Variants in RPRD1A observed in about 807,000 individuals in gnomAD.
The protein encoded by RPRD1A is regulation of nuclear pre-mRNA domain-containing protein 1A.
Under a neutral mutation model 37.8 loss-of-function variants are expected in RPRD1A, and 9 were observed. That is an observed-to-expected ratio of 0.24 (90% CI 0.14 to 0.42). The LOEUF (loss-of-function observed/expected upper bound fraction) is 0.42. RPRD1A is among the 10% of genes least tolerant of loss of function. The probability of loss-of-function intolerance (pLI) is 1.00; values close to 1 mark genes in which losing one functional copy is unlikely to be tolerated. For missense variants in RPRD1A, 255 were observed against 371.0 expected, an observed-to-expected ratio of 0.69 and a Z score of 2.57; for synonymous variants, 138 against 139.7, an observed-to-expected ratio of 0.99 and a Z score of 0.08.
At chr18:36,065,707 G>A (rs769227692) in intron 1 of RPRD1A, among the ~76,000 whole-genome samples, 2 of 152,168 alleles carry the variant, frequency 1.3e-5, no homozygotes, top group Admixed American at 6.5e-5. Context: ...AGTGGTATAA[G>A]AGTTCCTGTT....
At chr18:36,057,049 T>TAAAAAAAAAA (rs1407950222) in intron 1 of RPRD1A, among the ~76,000 whole-genome samples, 2 of 23,268 alleles carry the variant, frequency 8.6e-5, no homozygotes, top group African/African-American at 3.8e-4. Context: ...ACCCTGTTTC[T>TAAAAAAAAAA]ACAAAAAAAA....
At chr18:36,040,715 C>A in intron 1 of RPRD1A, 1 of 651,192 alleles carries the variant, frequency 1.5e-6, no homozygotes, top group Non-Finnish European at 2.5e-6. Context: ...CTATGCAGTA[C>A]CTCCTTACCC....
At chr18:36,025,663 C>A (rs773984108) in intron 6 of RPRD1A, 1 of 1,286,070 alleles carries the variant, frequency 7.8e-7, no homozygotes, top group South Asian at 1.2e-5. Flanking sequence ...TTAGAAGATA[C>A]GCCCATGTCC....
In RPRD1A at chr18:36,067,533, C is replaced by G; in HGVS notation, c.-129G>C. 1 of 924,640 alleles carries G rather than the reference C, an allele frequency of 1.1e-6. No individual in the cohort carries two copies. The highest frequency in any genetic ancestry group is 1.6e-6 in the Non-Finnish European group (1 of 643,920). 57.3% of individuals were successfully genotyped at this position (924,640 alleles called of 1,614,324 possible). ...GCTCTCACCACGGCCGCCGCTTCAT[C>G]CAAGACCGGCCGCAAACCAGCAAGA... On this transcript the variant is annotated 5_prime_UTR_variant, in exon 1 of 7. Transcript: ENST00000399022.
intron 6 of RPRD1A, among the ~76,000 whole-genome samples, chr18:36,010,341 AG>A (rs1327525352): frequency 6.6e-6 from 1 of 152,000 alleles, no homozygotes; most frequent in African/African-American, 2.4e-5. Flanking sequence ...AATAAAAAAA[AG>A]ATCAGTCAGG....
At chr18:36,024,049 C>T (rs1911189580) in intron 6 of RPRD1A, among the ~76,000 whole-genome samples, 1 of 152,192 alleles carries the variant, frequency 6.6e-6, no homozygotes, top group African/African-American at 2.4e-5. Flanking sequence ...ATACTTTCAA[C>T]TTCATAATGG....
chr18:36,007,499 T>G (rs1909819935), intron 6 of RPRD1A, among the ~76,000 whole-genome samples: 1 of 152,186 alleles, frequency 6.6e-6, no homozygotes, highest in Non-Finnish European at 1.5e-5. Context: ...ATGCAGGGAT[T>G]CAGAGAAGGA....
rs60551828 is a variant in RPRD1A at position 36,043,148 on chromosome 18, C to T, written c.152-9311G>A. 7.0e-3 allele frequency among the ~76,000 whole-genome samples: 865 copies of T among 123,446 alleles called. 11 individuals are homozygous for T. The highest frequency in any genetic ancestry group is 0.027 in the African/African-American group (819 of 30,876). 81.0% of individuals were successfully genotyped at this position (123,446 alleles called of 152,430 possible). ...CATAGTATTAAGTTACACACACACA[C>T]AAACACAGTAAACAATAACTATATC... On this transcript the variant is annotated intron_variant, in intron 1 of 6. Transcript: ENST00000399022.
intron 6 of RPRD1A, among the ~76,000 whole-genome samples, chr18:36,009,300 GC>G (rs923978517): frequency 5.9e-5 from 9 of 152,050 alleles, no homozygotes; most frequent in African/African-American, 1.9e-4. Context: ...AGAAGATACT[GC>G]CCTTTTCCCC....
At chr18:36,002,994 C>T (rs1310045692) in intron 6 of RPRD1A, among the ~76,000 whole-genome samples, 1 of 152,176 alleles carries the variant, frequency 6.6e-6, no homozygotes, top group African/African-American at 2.4e-5. Context: ...GGTCCTAGTT[C>T]TGCTCTCAGA....
intron 6 of RPRD1A, among the ~76,000 whole-genome samples, chr18:35,997,004 G>C (rs868324492): frequency 1.2e-5 from 1 of 83,392 alleles, no homozygotes; most frequent in Admixed American, 1.1e-4. Flanking sequence ...AAAAAAAAAA[G>C]AACTATCTGT....
intron 6 of RPRD1A, among the ~76,000 whole-genome samples, chr18:35,993,635 A>G (rs1044729022): frequency 1.3e-5 from 2 of 152,206 alleles, no homozygotes; most frequent in Non-Finnish European, 2.9e-5. Context: ...CTTAACTAAA[A>G]TTTGGCAAGA....
At chr18:36,000,972 G>C (rs1248395899) in intron 6 of RPRD1A, among the ~76,000 whole-genome samples, 1 of 152,176 alleles carries the variant, frequency 6.6e-6, no homozygotes, top group Non-Finnish European at 1.5e-5. Flanking sequence ...AACTAGTTAT[G>C]TTCCTAAAAC....
chr18:36,029,644 AG>A (rs1288574454), intron 4 of RPRD1A, among the ~76,000 whole-genome samples: 2 of 150,606 alleles, frequency 1.3e-5, no homozygotes, highest in African/African-American at 4.9e-5. Flanking sequence ...AAAAAAAAAA[AG>A]TCTTTCTGGA....
intron 1 of RPRD1A, among the ~76,000 whole-genome samples, chr18:36,050,868 C>CTTT (rs374429594): frequency 3.9e-5 from 5 of 128,042 alleles, no homozygotes; most frequent in Admixed American, 7.5e-5. Flanking sequence ...CTTTTCTTTT[C>CTTT]TTTTTTTTTT....
chr18:36,035,078 T>C (rs1217782673), intron 1 of RPRD1A, among the ~76,000 whole-genome samples: 1 of 152,198 alleles, frequency 6.6e-6, no homozygotes, highest in Admixed American at 6.5e-5. Flanking sequence ...TTCAGGCTCC[T>C]TGTCTGGTTA....
chr18:36,012,176 A>G (rs769303196), intron 6 of RPRD1A, among the ~76,000 whole-genome samples: 13 of 152,174 alleles, frequency 8.5e-5, no homozygotes, highest in Non-Finnish European at 7.4e-5. Context: ...AAAAATTCCT[A>G]TCACCTAGTG....
At position 36,067,492 on chromosome 18, in the gene RPRD1A, C is replaced by T; in HGVS notation, c.-88G>A. 7.6e-7 allele frequency: 1 copy of T among 1,309,256 alleles called. No homozygotes were observed. The highest frequency in any genetic ancestry group is 1.5e-5 in the African/African-American group (1 of 67,440). 81.1% of individuals were successfully genotyped at this position (1,309,256 alleles called of 1,614,324 possible). A position where few individuals can be genotyped will look rare whatever the true frequency, so the allele number is the denominator to read the frequency against. On this transcript the variant is annotated 5_prime_UTR_variant, in exon 1 of 7. The change creates a new upstream start codon in the 5' untranslated region. Transcript: ENST00000399022. ...CCCTAGCTGCGGCCTCGCCCCCTCA[C>T]CCCACCCTTCCCCACGCTCTCACCA... is the stretch of plus-strand genomic sequence containing the variant.
At chr18:36,067,150 A>G (rs1472319308) in intron 1 of RPRD1A, 104 bp downstream of exon 1, 1 of 1,309,036 alleles carries the variant, frequency 7.6e-7, no homozygotes, top group African/African-American at 1.5e-5. Context: ...GCGCGCTGGC[A>G]TCCCGACGCC....
Sources: gnomAD v4.1 joint callset for allele counts (sites outside exome capture counted in the v4.1 genomes callset) on GRCh38, gnomAD v4.1.1 for gene constraint, MANE v1.5 for transcripts, NCBI Gene and HGNC (gene_info 2026-07-23, HGNC 2026-07-21) for gene names.